Variants in SETBP1 observed in about 807,000 individuals in gnomAD.
SETBP1 encodes SET binding protein 1.
Under a neutral mutation model 101.0 loss-of-function variants are expected in SETBP1, and 9 were observed. That is an observed-to-expected ratio of 0.09 (90% CI 0.05 to 0.16). The LOEUF is 0.16. Among genes scored for constraint, SETBP1 ranks in the 10% least tolerant of loss-of-function variants. The pLI, the probability that SETBP1 is intolerant of heterozygous loss-of-function variation, is 1.00. For synonymous variants in SETBP1, 818 were observed against 788.5 expected (o/e 1.04, Z -0.63); for missense variants, 1,858 against 2,033.8 (o/e 0.91, Z 1.66).
chr18:44,985,084 T>G (rs2072201788), intron 4 of SETBP1, among the ~76,000 whole-genome samples: 1 of 152,172 alleles, frequency 6.6e-6, no homozygotes, highest in Non-Finnish European at 1.5e-5. Flanking sequence ...GAGGTTGCAG[T>G]GAGCGGAGAT....
intron 2 of SETBP1, among the ~76,000 whole-genome samples, chr18:44,717,276 A>G (rs1463831806): frequency 1.3e-5 from 2 of 152,208 alleles, no homozygotes; most frequent in Admixed American, 1.3e-4. Flanking sequence ...TGGTCCTTCC[A>G]TTAATCTCTT....
intron 4 of SETBP1, among the ~76,000 whole-genome samples, chr18:45,011,207 A>G (rs2072830760): frequency 6.6e-6 from 1 of 152,178 alleles, no homozygotes; most frequent in South Asian, 2.1e-4. Flanking sequence ...CCCAGGGTAC[A>G]AGAAACTTGT....
In SETBP1 at chr18:44,898,265, A is replaced by G. The variant is rs147768971; in HGVS notation, c.540+28982A>G. 2.2e-4 allele frequency among the ~76,000 whole-genome samples: 34 copies of G among 152,256 alleles called. No individual in the cohort carries two copies. The East Asian group carries it at 6.2e-3, about 28-fold the overall frequency. ...AATTGAGTTACACTATTAAGCACCAATGGGTTTCCTGGAAGTAATATATTT... is the reference window on the plus strand; with the variant it reads ...AATTGAGTTACACTATTAAGCACCAGTGGGTTTCCTGGAAGTAATATATTT... On this transcript the variant is annotated intron_variant, in intron 3 of 5. Coordinates refer to ENST00000649279, the MANE Select transcript of SETBP1 (RefSeq NM_015559.3).
At position 45,010,734 on chromosome 18, in the gene SETBP1, T is replaced by C. The variant is rs528993700; in HGVS notation, c.4001-27751T>C. ...ATTTACCATGAGCCAGACATTGTGCTTAATACTATGCATTTATAAATAAAT... is the reference window on the plus strand; with the variant it reads ...ATTTACCATGAGCCAGACATTGTGCCTAATACTATGCATTTATAAATAAAT... On this transcript the variant is annotated intron_variant, in intron 4 of 5. Transcript: ENST00000649279. Among the ~76,000 whole-genome samples the C allele has an allele frequency of 7.9e-5, 12 of 152,348 alleles. 1 individual carries two copies. Among genetic ancestry groups the C allele is most frequent in the Admixed American group, 3.3e-4 (5 of 15,296 alleles).
At chr18:44,791,620 G>A (rs182245889) in intron 2 of SETBP1, among the ~76,000 whole-genome samples, 2 of 152,114 alleles carry the variant, frequency 1.3e-5, no homozygotes, top group Admixed American at 6.5e-5. Context: ...AAGAAGAATC[G>A]CTGTCTGGTC....
At chr18:44,890,015 A>G (rs900564872) in intron 3 of SETBP1, among the ~76,000 whole-genome samples, 3 of 152,188 alleles carry the variant, frequency 2.0e-5, no homozygotes, top group African/African-American at 7.2e-5. Flanking sequence ...TGATATATGC[A>G]TCCATGGTAA....
At chr18:44,933,193 T>A (rs1409626696) in intron 3 of SETBP1, among the ~76,000 whole-genome samples, 1 of 152,222 alleles carries the variant, frequency 6.6e-6, no homozygotes, top group Non-Finnish European at 1.5e-5. Flanking sequence ...CAGCTGCAGG[T>A]CTGTTGGAGT....
chr18:44,778,841 C>T (rs2071062346), intron 2 of SETBP1, among the ~76,000 whole-genome samples: 1 of 152,258 alleles, frequency 6.6e-6, no homozygotes, highest in South Asian at 2.1e-4. Flanking sequence ...GAAGCCCCTG[C>T]AGGAAACTGC....
intron 4 of SETBP1, among the ~76,000 whole-genome samples, chr18:45,037,852 G>A (rs922097742): frequency 3.3e-5 from 5 of 151,994 alleles, no homozygotes; most frequent in African/African-American, 1.2e-4. Context: ...TTCCACCTCC[G>A]GCATGCTGGC....
chr18:44,920,683 C>T (rs546543901), intron 3 of SETBP1, among the ~76,000 whole-genome samples: 1 of 152,308 alleles, frequency 6.6e-6, no homozygotes, highest in South Asian at 2.1e-4. Flanking sequence ...GTGGTTTCAG[C>T]CTCTGCCAGT....
At chr18:44,861,575 C>T (rs545719646) in intron 2 of SETBP1, among the ~76,000 whole-genome samples, 2 of 151,982 alleles carry the variant, frequency 1.3e-5, no homozygotes, top group Admixed American at 1.3e-4. Context: ...AGTATACATA[C>T]CCAAGGTAGC....
At chr18:44,878,538 A>G (rs1192459644) in intron 3 of SETBP1, among the ~76,000 whole-genome samples, 1 of 152,140 alleles carries the variant, frequency 6.6e-6, no homozygotes, top group Non-Finnish European at 1.5e-5. Flanking sequence ...TGTGCTTTAT[A>G]TATTTTTAGG....
chr18:44,961,896 T>C (rs1439741040), intron 4 of SETBP1, among the ~76,000 whole-genome samples: 1 of 152,236 alleles, frequency 6.6e-6, no homozygotes, highest in African/African-American at 2.4e-5. Flanking sequence ...GTTCTGTTAC[T>C]GAGCCATGTA....
In SETBP1 at chr18:44,950,293, A is replaced by C; in HGVS notation, c.953A>C (p.Asp318Ala). ...CNGLQPLVDQ[D>A]GGGTKEPPEP... ...GGGCTTCAGCCCTTGGTGGATCAAG[A>C]TGGAGGAGGTACAAAGGAGCCCCCA... The change falls in exon 4 of 6, where the codon GAT (aspartate) becomes GCT (alanine). Residue 318 changes from aspartate (D) to alanine (A), a missense_variant. Coordinates refer to ENST00000649279, the MANE Select transcript of SETBP1 (RefSeq NM_015559.3). 3 of 1,614,032 alleles carry C rather than the reference A, an allele frequency of 1.9e-6. No individual in the cohort carries two copies. The highest frequency in any genetic ancestry group is 2.5e-6 in the Non-Finnish European group (3 of 1,180,036).
chr18:45,049,142 C>T (rs1200622599), intron 5 of SETBP1, among the ~76,000 whole-genome samples: 1 of 152,062 alleles, frequency 6.6e-6, no homozygotes, highest in Non-Finnish European at 1.5e-5. Flanking sequence ...AACTATTATT[C>T]AGCAATTGGT....
chr18:44,760,670 G>A (rs1346103929), intron 2 of SETBP1, among the ~76,000 whole-genome samples: 3 of 152,176 alleles, frequency 2.0e-5, no homozygotes, highest in Admixed American at 6.5e-5. Context: ...CAAGTGTAGT[G>A]TGCGATAACA....
chr18:44,747,170 C>G (rs1269289470), intron 2 of SETBP1, among the ~76,000 whole-genome samples: 2 of 152,230 alleles, frequency 1.3e-5, no homozygotes, highest in Non-Finnish European at 2.9e-5. Context: ...ATGACCAGGT[C>G]TCCAAGGTCC....
At chr18:44,878,227 G>A (rs2069453607) in intron 3 of SETBP1, among the ~76,000 whole-genome samples, 1 of 152,204 alleles carries the variant, frequency 6.6e-6, no homozygotes, top group South Asian at 2.1e-4. Flanking sequence ...GATACCCTTA[G>A]CAACGAGGGA....
chr18:45,000,793 A>AACACACACACACAC lies in SETBP1; in HGVS notation c.4001-37673_4001-37660dup, dbSNP rs113870439. Among the ~76,000 whole-genome samples the AACACACACACACAC allele has an allele frequency of 3.4e-3, 500 of 146,804 alleles. 7 individuals are homozygous for AACACACACACACAC. The highest frequency in any genetic ancestry group is 0.012 in the African/African-American group (466 of 39,660). ...GCCATACATCAACGGGAATGCACAC[A>AACACACACACACAC]ACACACACACACACACACACACACA... On this transcript the variant is annotated intron_variant, in intron 4 of 5. Coordinates refer to ENST00000649279, the MANE Select transcript of SETBP1 (RefSeq NM_015559.3).
Sources: gnomAD v4.1 joint callset for allele counts (sites outside exome capture counted in the v4.1 genomes callset) on GRCh38, gnomAD v4.1.1 for gene constraint, MANE v1.5 for transcripts, NCBI Gene and HGNC (gene_info 2026-07-23, HGNC 2026-07-21) for gene names.